The following ATG2B variants were observed in gnomAD, a reference collection of about 807,000 sequenced individuals.
ATG2B encodes the protein autophagy-related protein 2 homolog B.
ATG2B carries 121 observed loss-of-function variants against 241.3 expected under a neutral mutation model. That is an observed-to-expected ratio of 0.50 (90% CI 0.43 to 0.58). ATG2B has a LOEUF of 0.58. Ranked by LOEUF, ATG2B falls within the 20% of genes least tolerant of loss-of-function variation. The pLI is 0.00. For synonymous variants in ATG2B, 858 were observed against 876.6 expected (o/e 0.98, Z 0.37); for missense variants, 2,306 against 2,491.6 (o/e 0.93, Z 1.59).
rs748882966 is a variant in ATG2B at position 96,311,606 on chromosome 14, A to G, written c.3926T>C (p.Val1309Ala). 2 of 1,606,856 alleles carry G rather than the reference A, an allele frequency of 1.2e-6. No individual in the cohort carries two copies. Among genetic ancestry groups the G allele is most frequent in the Non-Finnish European group, 1.7e-6 (2 of 1,175,196 alleles). The change falls in exon 27 of 42, where the codon GTG becomes GCG. Residue 1309 changes from valine (V) to alanine (A), a missense_variant. Physicochemically the swap from Val to Ala is moderately conservative, Grantham distance 64. Around this residue, in one of 2 missense-constraint regions of ATG2B, gnomAD observed 1,927 missense variants for 2,011.2 expected, o/e 0.96. Coordinates refer to ENST00000359933, the MANE Select transcript of ATG2B (RefSeq NM_018036.7). ...TINLSRDYVR[V>A]MDMGLLELTI... is the part of the protein sequence containing the mutation. The stretch of plus-strand genomic sequence containing the variant: ...TAACTCCAAAAGCCCCATATCCATC[A>G]CACGAACATAATCTAAAATTTTTAA...
At chr14:96,322,762 A>G in intron 16 of ATG2B, 27 bp from the exon 17 acceptor site, 5 of 1,596,466 alleles carry the variant, frequency 3.1e-6, no homozygotes, top group Non-Finnish European at 4.3e-6. Flanking sequence ...TTTTAAAAAG[A>G]CCAAGATCTA....
rs757793737 is a variant in ATG2B at position 96,317,271 on chromosome 14, A to G, written c.3084T>C (p.Thr1028=). ...SEEETLQYFS[T]VDPNYRSRRK... ...TGCGAGAACGATAGTTGGGATCAAC[A>G]GTGGAAAAATACTGCAAAGTCTCCT... Residue 1028 remains threonine, a synonymous_variant, in exon 20 of 42, where the codon ACT becomes ACC. Transcript: ENST00000359933. The G allele has an allele frequency of 6.2e-7, 1 of 1,613,926 alleles. No individual in the cohort carries two copies. The highest frequency in any genetic ancestry group is 2.2e-5 in the East Asian group (1 of 44,842).
chr14:96,305,457 C>T, intron 31 of ATG2B, 132 bp downstream of exon 31: 1 of 601,758 alleles, frequency 1.7e-6, no homozygotes, highest in Non-Finnish European at 2.8e-6. Flanking sequence ...TTTAATACTA[C>T]TTTATTAATA....
In ATG2B at chr14:96,289,649, C is replaced by T. The variant is rs1480902473; in HGVS notation, c.6006+7G>A. 3 of 1,613,930 alleles carry T rather than the reference C, an allele frequency of 1.9e-6. No homozygotes were observed. The highest frequency in any genetic ancestry group is 2.5e-6 in the Non-Finnish European group (3 of 1,179,918). On this transcript the variant is annotated splice_region_variant and intron_variant, in intron 41 of 41. Transcript: ENST00000359933. The surrounding 1 kb of genome is among the most constrained non-coding windows in gnomAD (Gnocchi z 4.3). ...GTTCTGATGTGTCCACCCAAGTATT[C>T]AGTTACCTCTTTCACAACACTGTAG...
intron 33 of ATG2B, 40 bp from the exon 34 acceptor site, chr14:96,302,148 T>C (rs780745865): frequency 3.3e-6 from 4 of 1,226,400 alleles, no homozygotes; most frequent in Admixed American, 1.8e-5. Context: ...TCCCCAATAA[T>C]ATGATGACCT....
At chr14:96,311,363 A>T (rs1887151410) in intron 27 of ATG2B, 76 bp from the exon 28 acceptor site, 2 of 1,359,528 alleles carry the variant, frequency 1.5e-6, no homozygotes, top group Non-Finnish European at 2.0e-6. Flanking sequence ...ATAGATTTAC[A>T]TTAAATAAGA....
intron 6 of ATG2B, among the ~76,000 whole-genome samples, chr14:96,340,091 T>C (rs1887974430): frequency 1.3e-5 from 1 of 78,438 alleles, no homozygotes; most frequent in South Asian, 4.3e-4. Context: ...TATATGAATA[T>C]ATGCTATATA....
intron 34 of ATG2B, among the ~76,000 whole-genome samples, chr14:96,299,138 C>A (rs1886723382): frequency 6.6e-6 from 1 of 152,158 alleles, no homozygotes; most frequent in Non-Finnish European, 1.5e-5. Context: ...TGGTTGAGCA[C>A]TTACTTATCT....
At chr14:96,304,672 A>G (rs2139849495) in intron 31 of ATG2B, 69 bp from the exon 32 acceptor site, 1 of 1,194,748 alleles carries the variant, frequency 8.4e-7, no homozygotes, top group African/African-American at 1.5e-5. Flanking sequence ...AATGAATGAC[A>G]TTAAGGAAAA....
At position 96,336,284 on chromosome 14, in the gene ATG2B, T is replaced by A. The variant is rs528131693; in HGVS notation, c.925-1783A>T. The stretch of plus-strand genomic sequence containing the variant: ...GCACCCCTAATTAATGCCATCTTTA[T>A]CTACACTATATTTTATGAGATCTAT... On this transcript the variant is annotated intron_variant, in intron 6 of 41. Coordinates refer to ENST00000359933, the MANE Select transcript of ATG2B (RefSeq NM_018036.7). 5.9e-5 allele frequency among the ~76,000 whole-genome samples: 9 copies of A among 152,314 alleles called. 1 individual carries two copies. The highest frequency in any genetic ancestry group is 2.2e-4 in the African/African-American group (9 of 41,578).
chr14:96,311,403 A>C, intron 27 of ATG2B, 116 bp from the exon 28 acceptor site: 1 of 1,204,888 alleles, frequency 8.3e-7, no homozygotes, highest in Non-Finnish European at 1.2e-6. Context: ...CTACATAAAA[A>C]AAGTATTTAA....
At chr14:96,316,443 C>A in intron 21 of ATG2B, 90 bp downstream of exon 21, 2 of 1,314,648 alleles carry the variant, frequency 1.5e-6, no homozygotes, top group South Asian at 1.4e-5. Context: ...ATTTCTAATA[C>A]CAAAGTTCTG....
At chr14:96,355,725 A>G (rs117138393) in intron 1 of ATG2B, among the ~76,000 whole-genome samples, 2,367 of 152,284 alleles carry the variant, frequency 0.016, 30 homozygotes, top group Middle Eastern at 0.037. Flanking sequence ...AAGGAACTCA[A>G]GGTGTGCTTG....
At position 96,281,430 on chromosome 14, in the gene ATG2B, G is replaced by C. The variant is rs1275458218; in HGVS notation, c.*4325C>G. On this transcript the variant is annotated 3_prime_UTR_variant, in exon 42 of 42. Transcript: ENST00000359933. ...AAAATTAGGAAACTTAGCAAAGACA[G>C]TCAATACACATGTTCTTTTACTTGT... is the stretch of plus-strand genomic sequence containing the variant. The C allele has an allele frequency of 6.6e-6, 1 of 152,152 alleles. No homozygotes were observed. The highest frequency in any genetic ancestry group is 1.5e-5 in the Non-Finnish European group (1 of 68,022). The allele number at this position is 152,152 out of a possible 1,614,324, so 9.4% of individuals were successfully genotyped here. A position where few individuals can be genotyped will look rare whatever the true frequency, so the allele number is the denominator to read the frequency against.
At chr14:96,362,457 G>A (rs1268838664) in intron 1 of ATG2B, among the ~76,000 whole-genome samples, 1 of 152,000 alleles carries the variant, frequency 6.6e-6, no homozygotes, top group Non-Finnish European at 1.5e-5. Flanking sequence ...ATCCCACAAG[G>A]CAGGGTTTGT....
intron 1 of ATG2B, among the ~76,000 whole-genome samples, chr14:96,360,932 C>T (rs1207631165): frequency 2.0e-4 from 1 of 5,088 alleles, no homozygotes. Flanking sequence ...GAATCCTCTA[C>T]CAAAAAAAAA....
intron 8 of ATG2B, among the ~76,000 whole-genome samples, chr14:96,332,879 T>TG (rs1887778266): frequency 6.6e-6 from 1 of 152,286 alleles, no homozygotes; most frequent in East Asian, 1.9e-4. Context: ...ACCCTACTGA[T>TG]GAACATGTTT....
Position 96,311,649 on chromosome 14 carries a change from C to T in ATG2B, c.3914-31G>A, listed in dbSNP as rs371439556. On this transcript the variant is annotated intron_variant, in intron 26 of 41. Coordinates refer to ENST00000359933, the MANE Select transcript of ATG2B (RefSeq NM_018036.7). ...ATTTTTAAAATTAAGAAAATCTCTTCAGTACAGCTTTCAAAAATGTGTATC... is the reference window on the plus strand; with the variant it reads ...ATTTTTAAAATTAAGAAAATCTCTTTAGTACAGCTTTCAAAAATGTGTATC... The T allele has an allele frequency of 2.8e-6, 4 of 1,452,476 alleles. No individual in the cohort carries two copies. In the African/African-American group the frequency reaches 5.6e-5, roughly 20 times the overall value. 90.0% of individuals were successfully genotyped at this position (1,452,476 alleles called of 1,614,324 possible).
At chr14:96,312,253 G>A in intron 25 of ATG2B, 94 bp from the exon 26 acceptor site, 5 of 823,852 alleles carry the variant, frequency 6.1e-6, no homozygotes, top group Admixed American at 5.5e-5. Flanking sequence ...CATTCTTTCT[G>A]GTATGAACAT....
Sources: allele counts gnomAD v4.1 joint callset (sites outside exome capture counted in the v4.1 genomes callset), GRCh38; gene constraint gnomAD v4.1.1; regional missense constraint gnomAD v4.1.1; non-coding constraint Gnocchi (gnomAD v3.1); transcripts MANE v1.5; gene names NCBI Gene and HGNC (gene_info 2026-07-23, HGNC 2026-07-21).